The following KHDRBS3 variants were observed in gnomAD, a reference collection of about 807,000 sequenced individuals.
KHDRBS3 encodes the protein KH RNA binding domain containing, signal transduction associated 3, also known as KH domain-containing, RNA-binding, signal transduction-associated protein 3.
KHDRBS3 carries 23 observed loss-of-function variants against 45.6 expected under a neutral mutation model. The ratio of observed to expected loss-of-function variants is 0.50; its 90% CI spans 0.36 to 0.72. The LOEUF (loss-of-function observed/expected upper bound fraction) is 0.72, where lower values mean the gene tolerates loss of function less well. KHDRBS3 is among the 30% of genes least tolerant of loss of function. The pLI is 0.00. For synonymous variants in KHDRBS3, 162 were observed against 156.5 expected, an observed-to-expected ratio of 1.04 and a Z score of -0.26; for missense variants, 352 against 424.8, an observed-to-expected ratio of 0.83 and a Z score of 1.51.
chr8:135,625,182 CTGT>C (rs1830303123), intron 7 of KHDRBS3: 1 of 1,379,920 alleles, frequency 7.2e-7, no homozygotes, highest in Admixed American at 1.7e-5. Flanking sequence ...CTGGTCCAGG[CTGT>C]TAATACTCTT....
chr8:135,476,675 G>A (rs1172232904), intron 1 of KHDRBS3, among the ~76,000 whole-genome samples: 6 of 152,136 alleles, frequency 3.9e-5, no homozygotes. Flanking sequence ...CATCAGAAAG[G>A]CTAACTAACT....
intron 5 of KHDRBS3, among the ~76,000 whole-genome samples, chr8:135,572,848 G>T (rs771573389): frequency 1.3e-5 from 2 of 152,168 alleles, no homozygotes; most frequent in African/African-American, 2.4e-5. Flanking sequence ...AGGCTGTTTC[G>T]CCTTTTCCTT....
At chr8:135,518,567 T>C (rs141463431) in intron 1 of KHDRBS3, among the ~76,000 whole-genome samples, 18 of 152,348 alleles carry the variant, frequency 1.2e-4, no homozygotes, top group African/African-American at 4.3e-4. Context: ...CGTTTCAGTG[T>C]ACCTGATTTT....
chr8:135,551,707 C>T (rs1000713972), intron 4 of KHDRBS3, among the ~76,000 whole-genome samples: 3 of 152,114 alleles, frequency 2.0e-5, no homozygotes, highest in East Asian at 1.9e-4. Flanking sequence ...ATTGGTTTGT[C>T]GCACAGTATT....
rs753718103 is a variant in KHDRBS3, at chr8:135,548,900, T to C, written c.471T>C (p.Pro157=). The change falls in exon 4 of 9, where the codon CCT becomes CCC. Residue 157 remains proline, a splice_region_variant and synonymous_variant. Coordinates refer to ENST00000355849, the MANE Select transcript of KHDRBS3 (RefSeq NM_006558.3). ...AAGAAATCAAAAAGTTCCTCATCCCTGTTAGTACCATTTTTCTTGATAGTT... is the reference window on the plus strand; with the variant it reads ...AAGAAATCAAAAAGTTCCTCATCCCCGTTAGTACCATTTTTCTTGATAGTT... ...ALEEIKKFLI[P]DYNDEIRQAQ... 2 of 1,569,826 alleles carry C rather than the reference T, an allele frequency of 1.3e-6. No individual in the cohort carries two copies. Among genetic ancestry groups the C allele is most frequent in the South Asian group, 2.4e-5 (2 of 83,078 alleles).
intron 5 of KHDRBS3, among the ~76,000 whole-genome samples, chr8:135,574,807 G>A (rs370632761): frequency 8.5e-5 from 13 of 152,132 alleles, no homozygotes; most frequent in African/African-American, 3.1e-4. Flanking sequence ...CACCATTACC[G>A]TTCAGAGTGA....
At chr8:135,489,453 G>A (rs958665114) in intron 1 of KHDRBS3, among the ~76,000 whole-genome samples, 1 of 152,174 alleles carries the variant, frequency 6.6e-6, no homozygotes, top group Non-Finnish European at 1.5e-5. Context: ...GCCGAGGTGG[G>A]TGGATCACGA....
chr8:135,498,097 G>T (rs1319845053), intron 1 of KHDRBS3, among the ~76,000 whole-genome samples: 1 of 151,908 alleles, frequency 6.6e-6, no homozygotes, highest in Non-Finnish European at 1.5e-5. Context: ...GTATGAAGGG[G>T]ATGAATGGGT....
chr8:135,483,604 G>A (rs1822697931), intron 1 of KHDRBS3, among the ~76,000 whole-genome samples: 1 of 152,162 alleles, frequency 6.6e-6, no homozygotes, highest in South Asian at 2.1e-4. Context: ...GAACAGAGGA[G>A]GATATTCATG....
At chr8:135,614,122 A>G (rs959429042) in intron 7 of KHDRBS3, among the ~76,000 whole-genome samples, 1 of 151,930 alleles carries the variant, frequency 6.6e-6, no homozygotes, top group Non-Finnish European at 1.5e-5. Flanking sequence ...AACTTCACAC[A>G]TTTAATGAGT....
At chr8:135,472,969 C>G (rs1331405796) in intron 1 of KHDRBS3, among the ~76,000 whole-genome samples, 1 of 151,712 alleles carries the variant, frequency 6.6e-6, no homozygotes, top group Non-Finnish European at 1.5e-5. Context: ...TCCTTGCTTA[C>G]TTAGCATGAC....
At position 135,552,418 on chromosome 8, in the gene KHDRBS3, T is replaced by C. The variant is rs189745533; in HGVS notation, c.471+3518T>C. 3.3e-5 allele frequency among the ~76,000 whole-genome samples: 5 copies of C among 152,328 alleles called. No individual in the cohort carries two copies. The East Asian group carries it at 7.7e-4, about 24-fold the overall frequency. ...TTGAACTCCTCTAGTGAATTTTTCA[T>C]TGTTGGCAATACGCTTTTTAAATTT... On this transcript the variant is annotated intron_variant, in intron 4 of 8. Transcript: ENST00000355849.
chr8:135,604,608 C>G (rs1829372446), intron 6 of KHDRBS3, among the ~76,000 whole-genome samples: 1 of 150,836 alleles, frequency 6.6e-6, no homozygotes, highest in South Asian at 2.1e-4. Flanking sequence ...AGAATTAAAC[C>G]AACACAAAAA....
chr8:135,548,767 G>T lies in KHDRBS3; in HGVS notation c.338G>T (p.Arg113Met). 1 of 1,540,004 alleles carries T rather than the reference G, an allele frequency of 6.5e-7. No individual in the cohort carries two copies. The highest frequency in any genetic ancestry group is 8.7e-7 in the Non-Finnish European group (1 of 1,144,774). ...MRDKAKEEEL[R>M]KSGEAKYFHL... ...TCCTTTTTCCAGGAAGAAGAGTTGA[G>T]GAAAAGTGGAGAAGCGAAGTACTTC... The change falls in exon 4 of 9, where the codon AGG becomes ATG. Residue 113 changes from arginine to methionine, a missense_variant. Around this residue, in one of 6 missense-constraint regions of KHDRBS3, gnomAD observed 46 missense variants for 45.9 expected, o/e 1.00. Coordinates refer to ENST00000355849, the MANE Select transcript of KHDRBS3 (RefSeq NM_006558.3).
chr8:135,477,671 A>G (rs1822359340), intron 1 of KHDRBS3, among the ~76,000 whole-genome samples: 1 of 152,188 alleles, frequency 6.6e-6, no homozygotes, highest in Non-Finnish European at 1.5e-5. Context: ...ATGTTACCTT[A>G]CATGGTAAAA....
intron 4 of KHDRBS3, among the ~76,000 whole-genome samples, chr8:135,555,604 A>G (rs1355178128): frequency 6.6e-6 from 1 of 151,988 alleles, no homozygotes; most frequent in Non-Finnish European, 1.5e-5. Flanking sequence ...TTATTTGTTT[A>G]TTTGTTTATA....
At chr8:135,584,006 A>G (rs2130932964) in intron 6 of KHDRBS3, among the ~76,000 whole-genome samples, 1 of 152,304 alleles carries the variant, frequency 6.6e-6, no homozygotes, top group East Asian at 1.9e-4. Context: ...TGTAGGATTA[A>G]TTTACTCCCT....
chr8:135,634,474 G>A (rs561200908), intron 7 of KHDRBS3, among the ~76,000 whole-genome samples: 22 of 152,106 alleles, frequency 1.4e-4, no homozygotes, highest in Non-Finnish European at 3.2e-4. Flanking sequence ...CGTTTTCAAT[G>A]GAAAATTATG....
intron 6 of KHDRBS3, among the ~76,000 whole-genome samples, chr8:135,582,629 G>T (rs546507060): frequency 2.6e-5 from 4 of 152,264 alleles, no homozygotes; most frequent in African/African-American, 9.6e-5. Context: ...AATAATAACC[G>T]TGAAAGTTGA....
Sources: gnomAD v4.1 joint callset for allele counts (sites outside exome capture counted in the v4.1 genomes callset) on GRCh38, gnomAD v4.1.1 for gene constraint, gnomAD v4.1.1 regional missense constraint, MANE v1.5 for transcripts, NCBI Gene and HGNC (gene_info 2026-07-23, HGNC 2026-07-21) for gene names.